ACMSD: variants seen among roughly 807,000 people sequenced by gnomAD.
The protein encoded by ACMSD is aminocarboxymuconate semialdehyde decarboxylase.
A neutral mutation model predicts 45.9 loss-of-function variants in ACMSD; 37 were observed. The ratio of observed to expected loss-of-function variants is 0.81; its 90% CI spans 0.62 to 1.06. The LOEUF is 1.06. ACMSD is among the 50% of genes least tolerant of loss of function. ACMSD has a pLI of 0.00. For synonymous variants in ACMSD, 138 were observed against 148.8 expected, an observed-to-expected ratio of 0.93 and a Z score of 0.53; for missense variants, 434 against 420.9, an observed-to-expected ratio of 1.03 and a Z score of -0.27.
intron 2 of ACMSD, among the ~76,000 whole-genome samples, chr2:134,848,673 T>G (rs1484868759): frequency 6.6e-6 from 1 of 152,216 alleles, no homozygotes; most frequent in African/African-American, 2.4e-5. Context: ...TTCTGGATAT[T>G]AGCCCTTTGT....
rs774697185 is a variant in ACMSD at position 134,898,405 on chromosome 2, T to TA, written c.915dup (p.Glu306ArgfsTer7). The TA allele has an allele frequency of 1.9e-6, 3 of 1,602,464 alleles. No homozygotes were observed. Among genetic ancestry groups the TA allele is most frequent in the Non-Finnish European group, 2.6e-6 (3 of 1,175,180 alleles). ...GGTGAGCTGGAACCTGGGAAACTAA[T>TA]AGAGTCCATGGAAGAATTTGATGAA... On this transcript the variant is annotated frameshift_variant, in exon 9 of 10. Transcript: ENST00000356140. LOFTEE classifies it high-confidence loss of function.
At chr2:134,852,826 G>C (rs1376929095) in intron 2 of ACMSD, among the ~76,000 whole-genome samples, 1 of 152,082 alleles carries the variant, frequency 6.6e-6, no homozygotes, top group East Asian at 1.9e-4. Flanking sequence ...GCACTAGGGG[G>C]ATGGGGAGGA....
Position 134,898,265 on chromosome 2 carries a change from A to G in ACMSD, c.850-76A>G, listed in dbSNP as rs539237449. On this transcript the variant is annotated intron_variant, in intron 8 of 9. Transcript: ENST00000356140. ...TATTTTTATGACAGGAATGTTTGTAATAAGTAAACAATTGTTTACAGGAGG... is the reference window on the plus strand; with the variant it reads ...TATTTTTATGACAGGAATGTTTGTAGTAAGTAAACAATTGTTTACAGGAGG... The G allele has an allele frequency of 1.2e-4, 95 of 810,422 alleles. No homozygotes were observed. In the African/African-American group the frequency reaches 1.6e-3, roughly 13 times the overall value. 50.2% of individuals were successfully genotyped at this position (810,422 alleles called of 1,614,324 possible).
intron 2 of ACMSD, among the ~76,000 whole-genome samples, chr2:134,857,507 T>C (rs1396022444): frequency 6.6e-6 from 1 of 152,156 alleles, no homozygotes; most frequent in African/African-American, 2.4e-5. Flanking sequence ...CATACAGAAA[T>C]GCTATGGGCT....
chr2:134,850,282 TTC>T (rs1491421771), intron 2 of ACMSD, among the ~76,000 whole-genome samples: 1,726 of 117,534 alleles, frequency 0.015, 43 homozygotes, highest in African/African-American at 0.047. Context: ...TTTTTTTTTT[TTC>T]TGAGATGGAG....
intron 8 of ACMSD, among the ~76,000 whole-genome samples, chr2:134,894,945 T>A (rs1320558550): frequency 6.6e-6 from 1 of 152,120 alleles, no homozygotes; most frequent in Admixed American, 6.6e-5. Context: ...CAATGAATAA[T>A]CCATAAATGA....
chr2:134,881,844 T>A (rs940892342), intron 8 of ACMSD, among the ~76,000 whole-genome samples: 2 of 151,728 alleles, frequency 1.3e-5, no homozygotes, highest in Non-Finnish European at 2.9e-5. Context: ...AAAAAAAAAT[T>A]AGCTGGATTA....
chr2:134,848,131 G>A (rs1310261337), intron 2 of ACMSD, among the ~76,000 whole-genome samples: 9 of 152,218 alleles, frequency 5.9e-5, no homozygotes, highest in Admixed American at 2.0e-4. Context: ...GATTACAGGC[G>A]TGAGCCATTG....
intron 1 of ACMSD, among the ~76,000 whole-genome samples, chr2:134,845,023 G>A (rs766643914): frequency 1.3e-5 from 2 of 152,194 alleles, no homozygotes; most frequent in Non-Finnish European, 2.9e-5. Flanking sequence ...GCACTGCTGA[G>A]ATAACAGTAT....
intron 9 of ACMSD, among the ~76,000 whole-genome samples, chr2:134,899,982 T>A (rs1690407389): frequency 6.6e-6 from 1 of 152,104 alleles, no homozygotes; most frequent in Non-Finnish European, 1.5e-5. Context: ...CTCTGGAACA[T>A]AAACAAGAAA....
At chr2:134,882,200 T>G (rs1419468302) in intron 8 of ACMSD, among the ~76,000 whole-genome samples, 1 of 152,208 alleles carries the variant, frequency 6.6e-6, no homozygotes, top group Admixed American at 6.5e-5. Flanking sequence ...ATACTTAGGC[T>G]TCCAAGTATT....
rs140417206 is a variant in ACMSD at position 134,849,689 on chromosome 2, G to T, written c.102+4412G>T. On this transcript the variant is annotated intron_variant, in intron 2 of 9. Coordinates refer to ENST00000356140, the MANE Select transcript of ACMSD (RefSeq NM_138326.3). ...TGTTCCCCAAACAAATTGAGGGGTA[G>T]TCATTTGTCATGGCAAAGCCTTGCT... Among the ~76,000 whole-genome samples, 384 of 152,274 alleles carry T rather than the reference G, an allele frequency of 2.5e-3. 1 individual carries two copies. The highest frequency in any genetic ancestry group is 8.7e-3 in the African/African-American group (363 of 41,558).
At chr2:134,860,708 C>T (rs1051296847) in intron 3 of ACMSD, among the ~76,000 whole-genome samples, 1 of 151,860 alleles carries the variant, frequency 6.6e-6, no homozygotes, top group Non-Finnish European at 1.5e-5. Context: ...CCAGGTTTTG[C>T]TTTATATATT....
intron 3 of ACMSD, 138 bp downstream of exon 3, chr2:134,859,495 G>C: frequency 1.4e-6 from 1 of 712,664 alleles, no homozygotes; most frequent in Non-Finnish European, 2.4e-6. Context: ...GCTTCACTGT[G>C]GGAGGGACAG....
intron 2 of ACMSD, among the ~76,000 whole-genome samples, chr2:134,847,821 G>GTA (rs937300377): frequency 8.6e-5 from 13 of 151,478 alleles, no homozygotes; most frequent in African/African-American, 2.2e-4. Context: ...GTATTCCATG[G>GTA]TATATATATG....
At chr2:134,847,395 TACAGATAG>T (rs139363484) in intron 2 of ACMSD, among the ~76,000 whole-genome samples, 34,723 of 143,072 alleles carry the variant, frequency 0.24, 4,332 homozygotes, top group Middle Eastern at 0.32. Context: ...TTTTTGGGGA[TACAGATAG>T]ATAGATAGAT....
chr2:134,886,246 A>ATTATTATTATTATTTTTTTTTTT, intron 8 of ACMSD, among the ~76,000 whole-genome samples: 2 of 115,452 alleles, frequency 1.7e-5, no homozygotes, highest in Admixed American at 8.4e-5. Context: ...TATTATTATT[A>ATTATTATTATTATTTTTTTTTTT]TTTTTTTTTT....
intron 8 of ACMSD, among the ~76,000 whole-genome samples, chr2:134,896,807 G>A (rs1350320449): frequency 6.6e-6 from 1 of 152,092 alleles, no homozygotes; most frequent in African/African-American, 2.4e-5. Context: ...ATTGATTCAA[G>A]CAATAACATG....
At position 134,891,645 on chromosome 2, in the gene ACMSD, G is replaced by T. The variant is rs182758777; in HGVS notation, c.850-6696G>T. 1.2e-3 allele frequency among the ~76,000 whole-genome samples: 183 copies of T among 152,246 alleles called. 1 individual carries two copies. Among genetic ancestry groups the T allele is most frequent in the Middle Eastern group, 3.4e-3 (1 of 294 alleles). On this transcript the variant is annotated intron_variant, in intron 8 of 9. Coordinates refer to ENST00000356140, the MANE Select transcript of ACMSD (RefSeq NM_138326.3). ...ACACTGTTGGTGGGAATGTAAATTA[G>T]TACAACCTTTATGGAAAACAGTATT...
Sources: allele counts gnomAD v4.1 joint callset (sites outside exome capture counted in the v4.1 genomes callset), GRCh38; gene constraint gnomAD v4.1.1; transcripts MANE v1.5; gene names NCBI Gene and HGNC (gene_info 2026-07-23, HGNC 2026-07-21).